Variants in STK31 observed in about 807,000 individuals in gnomAD.
STK31 encodes serine/threonine kinase 31, also known as serine/threonine-protein kinase 31.
In STK31, 89 loss-of-function variants were observed where a neutral mutation model predicts 129.7. The observed-to-expected ratio is 0.69, with a 90% CI of 0.58 to 0.82. The LOEUF (loss-of-function observed/expected upper bound fraction) is 0.82. Ranked by LOEUF, STK31 falls within the 40% of genes least tolerant of loss-of-function variation. The pLI is 0.00. For missense variants in STK31, 1,187 were observed against 1,176.4 expected (o/e 1.01, Z -0.13); for synonymous variants, 448 against 395.3 (o/e 1.13, Z -1.58).
chr7:23,738,190 A>G (rs962855300), intron 8 of STK31, among the ~76,000 whole-genome samples: 1 of 152,172 alleles, frequency 6.6e-6, no homozygotes, highest in African/African-American at 2.4e-5. Context: ...CGGAAGTGCT[A>G]TACTTACAGT....
At chr7:23,785,012 G>C (rs73082949) in intron 17 of STK31, among the ~76,000 whole-genome samples, 3 of 151,810 alleles carry the variant, frequency 2.0e-5, no homozygotes, top group African/African-American at 7.3e-5. Context: ...GTAGTTTTTG[G>C]GGTACAGGTG....
chr7:23,790,965 G>A lies in STK31; in HGVS notation c.2760+19G>A. On this transcript the variant is annotated intron_variant, in intron 22 of 23. Coordinates refer to ENST00000355870, the MANE Select transcript of STK31 (RefSeq NM_031414.5). ...ATTATGGGTATGTTATTTTTTTGTT[G>A]AAATAGATCATATATATATATATTT... 6.6e-7 allele frequency: 1 copy of A among 1,516,756 alleles called. No individual in the cohort carries two copies. Among genetic ancestry groups the A allele is most frequent in the Non-Finnish European group, 8.8e-7 (1 of 1,136,040 alleles). The allele number at this position is 1,516,756 out of a possible 1,614,324, so 94.0% of individuals were successfully genotyped here.
intron 10 of STK31, among the ~76,000 whole-genome samples, chr7:23,758,497 C>T (rs1411955047): frequency 6.6e-6 from 1 of 150,980 alleles, no homozygotes; most frequent in African/African-American, 2.4e-5. Context: ...GATCTTATTT[C>T]TTGTCTTCTG....
intron 22 of STK31, among the ~76,000 whole-genome samples, chr7:23,806,768 C>T (rs1279520217): frequency 6.6e-6 from 1 of 152,028 alleles, no homozygotes; most frequent in Non-Finnish European, 1.5e-5. Context: ...GGCGTGTTGG[C>T]TGGCACCTGT....
intron 15 of STK31, among the ~76,000 whole-genome samples, chr7:23,779,380 C>T (rs182360579): frequency 1.5e-4 from 23 of 152,262 alleles, no homozygotes; most frequent in African/African-American, 4.6e-4. Flanking sequence ...CTGGGAGATC[C>T]GCTGCTCTCT....
At chr7:23,772,313 T>G in intron 15 of STK31, 35 bp downstream of exon 15, 1 of 1,586,544 alleles carries the variant, frequency 6.3e-7, no homozygotes, top group Admixed American at 1.9e-5. Flanking sequence ...GATCTTTATG[T>G]GCATCTCATT....
chr7:23,782,742 C>G (rs1791016232), intron 16 of STK31, among the ~76,000 whole-genome samples: 1 of 151,956 alleles, frequency 6.6e-6, no homozygotes, highest in South Asian at 2.1e-4. Flanking sequence ...TGTGTTTTTT[C>G]TCTTAGGCTT....
chr7:23,712,342 C>G (rs972968157), intron 3 of STK31, 56 bp downstream of exon 3: 1 of 1,513,094 alleles, frequency 6.6e-7, no homozygotes, highest in Non-Finnish European at 9.1e-7. Context: ...AGTTCCTCCC[C>G]AACAAAAACA....
At chr7:23,726,566 A>G (rs966106547) in intron 4 of STK31, among the ~76,000 whole-genome samples, 5 of 151,234 alleles carry the variant, frequency 3.3e-5, no homozygotes, top group African/African-American at 1.2e-4. Flanking sequence ...GCAGAGAGCC[A>G]TGACTGCTGC....
intron 5 of STK31, among the ~76,000 whole-genome samples, chr7:23,727,887 G>A (rs1470585045): frequency 6.6e-6 from 1 of 151,810 alleles, no homozygotes; most frequent in Non-Finnish European, 1.5e-5. Flanking sequence ...ATTATATTTG[G>A]TTCTTGAGTA....
chr7:23,751,707 A>G (rs1010891058), intron 8 of STK31, among the ~76,000 whole-genome samples: 2 of 152,062 alleles, frequency 1.3e-5, no homozygotes, highest in Non-Finnish European at 2.9e-5. Flanking sequence ...CTTTTGTTCT[A>G]TTAGATTTTG....
intron 23 of STK31, among the ~76,000 whole-genome samples, chr7:23,816,711 A>G (rs1021071885): frequency 2.0e-5 from 3 of 152,190 alleles, no homozygotes; most frequent in Admixed American, 6.5e-5. Context: ...AAGGCAGTAG[A>G]CTCTGTTCAC....
chr7:23,757,329 G>A (rs912349490), intron 10 of STK31, among the ~76,000 whole-genome samples: 1 of 152,102 alleles, frequency 6.6e-6, no homozygotes, highest in Non-Finnish European at 1.5e-5. Flanking sequence ...CAAGGGACCG[G>A]CGCTCAGCAT....
chr7:23,734,546 T>C (rs1435835444), intron 6 of STK31, among the ~76,000 whole-genome samples: 3 of 152,218 alleles, frequency 2.0e-5, no homozygotes, highest in Admixed American at 6.5e-5. Flanking sequence ...AAATATGTTT[T>C]AGGTGTATCT....
chr7:23,748,371 C>A (rs529371209), intron 8 of STK31, among the ~76,000 whole-genome samples: 4 of 152,068 alleles, frequency 2.6e-5, no homozygotes, highest in African/African-American at 9.6e-5. Context: ...AATGTGGTGG[C>A]GTATTTTGGT....
Position 23,736,850 on chromosome 7 carries a change from C to G in STK31, c.843-54C>G, listed in dbSNP as rs1554285697. The G allele has an allele frequency of 2.9e-6, 4 of 1,375,284 alleles. No homozygotes were observed. In the East Asian group the frequency reaches 1.0e-4, roughly 35 times the overall value. The allele number at this position is 1,375,284 out of a possible 1,614,324, so 85.2% of individuals were successfully genotyped here. On this transcript the variant is annotated intron_variant, in intron 7 of 23. Coordinates refer to ENST00000355870, the MANE Select transcript of STK31 (RefSeq NM_031414.5). ...GACCAAGATAACTTAGATTTGTTTT[C>G]TGTGTCAGCCTTATACAGTTTGTTT...
At chr7:23,763,690 C>G (rs1267473082) in intron 11 of STK31, among the ~76,000 whole-genome samples, 1 of 152,022 alleles carries the variant, frequency 6.6e-6, no homozygotes, top group Non-Finnish European at 1.5e-5. Flanking sequence ...CTCTGCTGAT[C>G]TCTCTTTTAG....
At chr7:23,737,529 C>A (rs1346503568) in intron 8 of STK31, among the ~76,000 whole-genome samples, 1 of 152,000 alleles carries the variant, frequency 6.6e-6, no homozygotes, top group Non-Finnish European at 1.5e-5. Context: ...TTTAAAAAAC[C>A]GTAATAATAA....
At chr7:23,781,564 A>G (rs1243889331) in intron 16 of STK31, 44 bp downstream of exon 16, 28 of 1,435,118 alleles carry the variant, frequency 2.0e-5, no homozygotes, top group Non-Finnish European at 2.6e-5. Flanking sequence ...GTTTTACTCT[A>G]GAAATTGAAT....
Sources: allele counts gnomAD v4.1 joint callset (sites outside exome capture counted in the v4.1 genomes callset), GRCh38; gene constraint gnomAD v4.1.1; transcripts MANE v1.5; gene names NCBI Gene and HGNC (gene_info 2026-07-23, HGNC 2026-07-21).